Variants in NBEAL2 observed in about 807,000 individuals in gnomAD.
NBEAL2 encodes the protein neurobeachin-like protein 2.
NBEAL2 carries 160 observed loss-of-function variants against 299.8 expected under a neutral mutation model. The ratio of observed to expected loss-of-function variants is 0.53; its 90% CI spans 0.47 to 0.61. The LOEUF is 0.61. NBEAL2 is among the 20% of genes least tolerant of loss of function. The probability of loss-of-function intolerance (pLI) is 0.00; values close to 1 mark genes in which losing one functional copy is unlikely to be tolerated. For synonymous variants in NBEAL2, 1,493 were observed against 1,542.3 expected, an observed-to-expected ratio of 0.97 and a Z score of 0.75; for missense variants, 3,112 against 3,649.0, an observed-to-expected ratio of 0.85 and a Z score of 3.79.
In NBEAL2 at chr3:47,002,701, G is replaced by A. The variant is rs765385468; in HGVS notation, c.5358G>A (p.Thr1786=). 3.1e-5 allele frequency: 50 copies of A among 1,602,356 alleles called. No individual in the cohort carries two copies. The highest frequency in any genetic ancestry group is 2.1e-4 in the South Asian group (19 of 89,844). ...CGCGCCTGGAGGGGCTACGCTACAC[G>A]GCAGTGCTGAAGCAGCAGGCAACGC... ...RRARLEGLRY[T]AVLKQQATQH... The change falls in exon 33 of 54, where the codon ACG becomes ACA. Residue 1786 remains threonine, a synonymous_variant. Transcript: ENST00000450053.
In NBEAL2 at chr3:47,002,463, T is replaced by C; in HGVS notation, c.5244T>C (p.Leu1748=). ...SGFWNACYDM[L]MSSGQRRQWE... The stretch of plus-strand genomic sequence containing the variant: ...TCTGGAATGCCTGCTATGACATGCT[T>C]ATGAGCAGTGGGCAGCGGCGCCAGT... Residue 1748 remains leucine (L), a synonymous_variant, in exon 32 of 54, where the codon CTT becomes CTC. Transcript: ENST00000450053. The C allele has an allele frequency of 2.5e-6, 4 of 1,613,198 alleles. No individual in the cohort carries two copies. Among genetic ancestry groups the C allele is most frequent in the Non-Finnish European group, 3.4e-6 (4 of 1,179,876 alleles).
Position 47,000,393 on chromosome 3 carries a change from A to T in NBEAL2, c.4294A>T (p.Ser1432Cys), listed in dbSNP as rs758701279. The T allele has an allele frequency of 7.0e-6, 11 of 1,571,224 alleles. No individual in the cohort carries two copies. The East Asian group carries it at 2.5e-4, about 35-fold the overall frequency. ...TISGDDTSNT[S>C]NPQQTSEEEL... Reference sequence around the variant, plus strand: ...TAGCGGGGATGATACCTCGAACACCAGCAACCCACAGGTGAGGTGGGCCCA... The same window carrying T: ...TAGCGGGGATGATACCTCGAACACCTGCAACCCACAGGTGAGGTGGGCCCA... The change falls in exon 27 of 54, where the codon AGC (serine) becomes TGC (cysteine). Residue 1432 changes from serine to cysteine, a missense_variant. Physicochemically the swap from Ser to Cys is moderately radical, Grantham distance 112. Around this residue, in one of 3 missense-constraint regions of NBEAL2, gnomAD observed 2,243 missense variants for 2,538.1 expected, o/e 0.88. Coordinates refer to ENST00000450053, the MANE Select transcript of NBEAL2 (RefSeq NM_015175.3). The surrounding 1 kb of genome is among the most constrained non-coding windows in gnomAD (Gnocchi z 4.5).
In NBEAL2 at chr3:47,003,843, G is replaced by A. The variant is rs775066463; in HGVS notation, c.5748G>A (p.Gln1916=). 6.2e-7 allele frequency: 1 copy of A among 1,611,074 alleles called. No homozygotes were observed. Among genetic ancestry groups the A allele is most frequent in the East Asian group, 2.2e-5 (1 of 44,788 alleles). ...TPMEAAELDE[Q]REKLVLSAEC... ...TGGAGGCAGCAGAACTGGATGAGCA[G>A]CGTGAGAAGCTGGTGCTGTCGGCCG... The change falls in exon 36 of 54, where the codon CAG becomes CAA. Residue 1916 remains glutamine (Q), a synonymous_variant. Transcript: ENST00000450053. The surrounding 1 kb of genome is among the most constrained non-coding windows in gnomAD (Gnocchi z 7.0).
Position 47,000,210 on chromosome 3 carries a change from G to A in NBEAL2, c.4111G>A (p.Ala1371Thr). 3 of 1,613,720 alleles carry A rather than the reference G, an allele frequency of 1.9e-6. No individual in the cohort carries two copies. Among genetic ancestry groups the A allele is most frequent in the Non-Finnish European group, 2.5e-6 (3 of 1,179,886 alleles). Reference sequence around the variant, plus strand: ...GTCTAGTGTAGGATCAGGCAACACTGCTGGTGGTGGCGGCAGCAGTGGGAC... The same window carrying A: ...GTCTAGTGTAGGATCAGGCAACACTACTGGTGGTGGCGGCAGCAGTGGGAC... The part of the protein sequence containing the change: ...ERSSVGSGNT[A>T]GGGGSSGTLT... The change falls in exon 27 of 54, where the codon GCT becomes ACT. Residue 1371 changes from alanine to threonine, a missense_variant. This residue lies in a region of NBEAL2 where 2,243 missense variants were observed against 2,538.1 expected (regional missense o/e 0.88). Transcript: ENST00000450053. The surrounding 1 kb of genome is among the most constrained non-coding windows in gnomAD (Gnocchi z 4.5).
At position 46,989,407 on chromosome 3, in the gene NBEAL2, AC is replaced by A; in HGVS notation, c.473+29del. The stretch of plus-strand genomic sequence containing the variant: ...GTGAGACCCAGCCCACAGGAAGGGA[AC>A]CCAGAGGAGGGTGGGGAGAGGATGG... On this transcript the variant is annotated intron_variant, in intron 5 of 53. Transcript: ENST00000450053. This position sits in a 1 kb window ranked among gnomAD's most constrained non-coding sequence, Gnocchi z 5.5. 1 of 1,569,976 alleles carries A rather than the reference AC, an allele frequency of 6.4e-7. No individual in the cohort carries two copies. The highest frequency in any genetic ancestry group is 8.6e-7 in the Non-Finnish European group (1 of 1,157,544).
At position 47,006,359 on chromosome 3, in the gene NBEAL2, T is replaced by C. The variant is rs564623375; in HGVS notation, c.7044T>C (p.Ala2348=). The change falls in exon 45 of 54, where the codon GCT becomes GCC. Residue 2348 remains alanine (A), a synonymous_variant. Coordinates refer to ENST00000450053, the MANE Select transcript of NBEAL2 (RefSeq NM_015175.3). ...LKEPHPTRLS[A]EEAAHRLARL... is the part of the protein sequence containing the mutation. Reference sequence around the variant, plus strand: ...AGCCACATCCAACTCGGCTCTCAGCTGAGGAAGCAGCCCATCGCCTTGCAC... The same window carrying C: ...AGCCACATCCAACTCGGCTCTCAGCCGAGGAAGCAGCCCATCGCCTTGCAC... The C allele has an allele frequency of 3.1e-6, 5 of 1,596,978 alleles. No individual in the cohort carries two copies. The African/African-American group carries it at 5.4e-5, about 17-fold the overall frequency.
In NBEAL2 at chr3:47,004,033, G is replaced by A. The variant is rs778748944; in HGVS notation, c.5882-44G>A. On this transcript the variant is annotated intron_variant, in intron 36 of 53. Transcript: ENST00000450053. This position sits in a 1 kb window ranked among gnomAD's most constrained non-coding sequence, Gnocchi z 5.0. ...GCAGGGAATGGCTGAGCTCTGGGTG[G>A]GGCTGGGGTGAGTGACTCCCGTACC... is the stretch of plus-strand genomic sequence containing the variant. The A allele has an allele frequency of 1.2e-6, 2 of 1,606,206 alleles. No individual in the cohort carries two copies. The highest frequency in any genetic ancestry group is 1.7e-6 in the Non-Finnish European group (2 of 1,174,476).
rs11706212 is a variant in NBEAL2 at position 46,982,872 on chromosome 3, T to A, written c.51+2960T>A. Among the ~76,000 whole-genome samples the A allele has an allele frequency of 0.95, 143,968 of 152,186 alleles. 68,643 individuals are homozygous for A. Among genetic ancestry groups the A allele is most frequent in the East Asian group, 1 (5,170 of 5,170 alleles). ...AGAGCCCACCAGAGCTCCCCCAGGGTAGGCATAGGAAGGGCAGGAGAGTCT... is the reference window on the plus strand; with the variant it reads ...AGAGCCCACCAGAGCTCCCCCAGGGAAGGCATAGGAAGGGCAGGAGAGTCT... On this transcript the variant is annotated intron_variant, in intron 1 of 53. Transcript: ENST00000450053. The surrounding 1 kb of genome is among the most constrained non-coding windows in gnomAD (Gnocchi z 4.2).
Position 46,995,709 on chromosome 3 carries a change from C to G in NBEAL2, c.1899-5C>G. The G allele has an allele frequency of 2.5e-6, 4 of 1,613,252 alleles. No individual in the cohort carries two copies. Among genetic ancestry groups the G allele is most frequent in the Non-Finnish European group, 3.4e-6 (4 of 1,179,588 alleles). On this transcript the variant is annotated splice_region_variant and splice_polypyrimidine_tract_variant and intron_variant, in intron 13 of 53. Transcript: ENST00000450053. ...AGCAGACATAACTGGCTTGCCTGCC[C>G]CCAGCTTCTTTACCAGCAGCGGCTC...
chr3:46,986,866 G>C (rs1559580794), intron 1 of NBEAL2, among the ~76,000 whole-genome samples: 2 of 152,242 alleles, frequency 1.3e-5, no homozygotes, highest in Admixed American at 6.5e-5. Context: ...GAGAGGTTCA[G>C]AAGAAATGGT....
intron 53 of NBEAL2, 25 bp from the exon 54 acceptor site, chr3:47,009,194 C>T (rs765098719): frequency 5.7e-6 from 9 of 1,575,354 alleles, no homozygotes; most frequent in Non-Finnish European, 6.9e-6. Context: ...CCCAGCTGAT[C>T]CTACTCAACC....
chr3:46,996,197 T>C, intron 15 of NBEAL2, 74 bp from the exon 16 acceptor site: 1 of 1,582,566 alleles, frequency 6.3e-7, no homozygotes, highest in Non-Finnish European at 8.6e-7. Context: ...TGGGGGTCAC[T>C]GTGAGGAACT....
chr3:46,997,465 G>A (rs1366869490), intron 19 of NBEAL2, 32 bp downstream of exon 19: 1 of 1,598,922 alleles, frequency 6.3e-7, no homozygotes, highest in South Asian at 1.1e-5. Flanking sequence ...GTTGTGGAGA[G>A]GGAATCTTGG....
Position 46,997,681 on chromosome 3 carries a change from C to A in NBEAL2, c.2945C>A (p.Ala982Asp). The A allele has an allele frequency of 6.5e-7, 1 of 1,540,382 alleles. No homozygotes were observed. The highest frequency in any genetic ancestry group is 8.8e-7 in the Non-Finnish European group (1 of 1,140,126). ...VQCQGPAIIG[A>D]LLRKVPSWAM... Reference sequence around the variant, plus strand: ...TGCCAGGGGCCTGCCATCATCGGGGCCCTCCTGCGAAAGGTGGGGCCCGGT... The same window carrying A: ...TGCCAGGGGCCTGCCATCATCGGGGACCTCCTGCGAAAGGTGGGGCCCGGT... The change falls in exon 20 of 54, where the codon GCC becomes GAC. Residue 982 changes from alanine (A) to aspartate (D), a missense_variant. By Grantham distance (126) the Ala-to-Asp change is moderately radical (BLOSUM62 -2). Transcript: ENST00000450053.
Position 46,996,476 on chromosome 3 carries a change from C to CAGGCA in NBEAL2, c.2358_2362dup (p.Thr788LysfsTer33). On this transcript the variant is annotated frameshift_variant, in exon 16 of 54. Transcript: ENST00000450053. LOFTEE classifies it high-confidence loss of function. The stretch of plus-strand genomic sequence containing the variant: ...GAGGGCAGCATCGACTCTACCCTCG[C>CAGGCA]AGGCACCCAGGACACTCGGTGGGGC... The CAGGCA allele has an allele frequency of 6.3e-7, 1 of 1,598,138 alleles. No individual in the cohort carries two copies. The highest frequency in any genetic ancestry group is 8.5e-7 in the Non-Finnish European group (1 of 1,171,606).
intron 10 of NBEAL2, 102 bp downstream of exon 10, chr3:46,992,657 G>T: frequency 8.7e-7 from 1 of 1,152,170 alleles, no homozygotes; most frequent in Non-Finnish European, 1.3e-6. Flanking sequence ...TGTAAGGCCT[G>T]GTGTGGTCTA....
intron 10 of NBEAL2, among the ~76,000 whole-genome samples, chr3:46,992,940 C>A (rs2036213552): frequency 6.6e-6 from 1 of 152,304 alleles, no homozygotes; most frequent in African/African-American, 2.4e-5. Flanking sequence ...TTGCACCCAC[C>A]CTCAGCGGGT....
rs571547155 is a variant in NBEAL2 at position 47,003,664 on chromosome 3, A to C, written c.5721-152A>C. ...TGGCAGGTGGGGGACAGGGGCTGGG[A>C]CCAGTAGGTTCTGGACCCTAGGCAG... On this transcript the variant is annotated intron_variant, in intron 35 of 53. Transcript: ENST00000450053. The surrounding 1 kb of genome is among the most constrained non-coding windows in gnomAD (Gnocchi z 7.0). 6.6e-5 allele frequency among the ~76,000 whole-genome samples: 10 copies of C among 152,122 alleles called. No individual in the cohort carries two copies. Among genetic ancestry groups the C allele is most frequent in the Non-Finnish European group, 5.9e-5 (4 of 67,988 alleles).
At position 47,002,127 on chromosome 3, in the gene NBEAL2, C is replaced by T; in HGVS notation, c.4990C>T (p.Leu1664=). ...AGCAGCTGCAGAGCGCTGCTCCTGG[C>T]TGGTGCCACTGGTGCGCACGCTGCT... is the stretch of plus-strand genomic sequence containing the variant. ...AAAAAERCSW[L]VPLVRTLLDR... Residue 1664 remains leucine (L), a synonymous_variant, in exon 31 of 54, where the codon CTG becomes TTG. Coordinates refer to ENST00000450053, the MANE Select transcript of NBEAL2 (RefSeq NM_015175.3). The T allele has an allele frequency of 6.4e-7, 1 of 1,550,516 alleles. No homozygotes were observed. Among genetic ancestry groups the T allele is most frequent in the Non-Finnish European group, 8.7e-7 (1 of 1,146,970 alleles).
Sources: gnomAD v4.1 joint callset for allele counts (sites outside exome capture counted in the v4.1 genomes callset) on GRCh38, gnomAD v4.1.1 for gene constraint, gnomAD v4.1.1 regional missense constraint, Gnocchi (gnomAD v3.1) non-coding constraint, MANE v1.5 for transcripts, NCBI Gene and HGNC (gene_info 2026-07-23, HGNC 2026-07-21) for gene names.